Variants in FNIP2 observed in about 807,000 individuals in gnomAD.
FNIP2 encodes folliculin-interacting protein 2.
Under a neutral mutation model 108.7 loss-of-function variants are expected in FNIP2, and 32 were observed. The ratio of observed to expected loss-of-function variants is 0.29; its 90% confidence interval spans 0.22 to 0.40. The LOEUF (loss-of-function observed/expected upper bound fraction) is 0.40, where lower values mean the gene tolerates loss of function less well. FNIP2 is among the 10% of genes least tolerant of loss of function. FNIP2 has a pLI of 1.00. For synonymous variants in FNIP2, 480 were observed against 496.7 expected, an observed-to-expected ratio of 0.97 and a Z score of 0.45; for missense variants, 1,202 against 1,381.6, an observed-to-expected ratio of 0.87 and a Z score of 2.06.
intron 1 of FNIP2, among the ~76,000 whole-genome samples, chr4:158,773,054 G>T (rs1050622394): frequency 6.6e-6 from 1 of 152,104 alleles, no homozygotes; most frequent in Admixed American, 6.5e-5. Context: ...GTCTCCAGAT[G>T]CAAGTATTTC....
At chr4:158,802,713 G>T (rs1776802639) in intron 1 of FNIP2, among the ~76,000 whole-genome samples, 1 of 152,206 alleles carries the variant, frequency 6.6e-6, no homozygotes, top group Non-Finnish European at 1.5e-5. Flanking sequence ...TTGGATTGGA[G>T]GTGGGTCCTG....
intron 1 of FNIP2, chr4:158,808,858 A>C (rs4482713): frequency 0.29 from 44,225 of 152,110 alleles, 7,164 homozygotes; most frequent in Non-Finnish European, 0.38. Context: ...ATGAAGAGAA[A>C]GATTCCACAA....
chr4:158,885,252 C>A (rs534766104), intron 14 of FNIP2, among the ~76,000 whole-genome samples: 1 of 152,292 alleles, frequency 6.6e-6, no homozygotes, highest in East Asian at 1.9e-4. Flanking sequence ...TACCTGTCCC[C>A]TTCCTCGACA....
chr4:158,898,362 C>G (rs1782883418), intron 16 of FNIP2, among the ~76,000 whole-genome samples: 1 of 152,006 alleles, frequency 6.6e-6, no homozygotes, highest in Admixed American at 6.6e-5. Flanking sequence ...TAGTTTTTTC[C>G]AGTTCTGTGA....
intron 14 of FNIP2, 45 bp downstream of exon 14, chr4:158,870,514 A>G (rs1780882280): frequency 6.4e-7 from 1 of 1,565,106 alleles, no homozygotes; most frequent in East Asian, 2.4e-5. Context: ...ACAGTGTGTC[A>G]GTCAAGGTCT....
chr4:158,870,217 T>C, intron 13 of FNIP2, 96 bp from the exon 14 acceptor site: 1 of 1,339,586 alleles, frequency 7.5e-7, no homozygotes, highest in Non-Finnish European at 1.0e-6. Context: ...GAATCTATTT[T>C]ATTTACCTGT....
chr4:158,781,520 T>C (rs1251300119), intron 1 of FNIP2, among the ~76,000 whole-genome samples: 1 of 152,108 alleles, frequency 6.6e-6, no homozygotes, highest in Non-Finnish European at 1.5e-5. Context: ...CATTTTTTGT[T>C]TGTTTTTGTT....
intron 1 of FNIP2, among the ~76,000 whole-genome samples, chr4:158,814,513 C>A (rs968743870): frequency 6.6e-6 from 1 of 152,190 alleles, no homozygotes; most frequent in Non-Finnish European, 1.5e-5. Context: ...AACACCAGAC[C>A]TTCTGGAATT....
At chr4:158,790,758 GTAAAA>G (rs1185488284) in intron 1 of FNIP2, among the ~76,000 whole-genome samples, 3 of 151,916 alleles carry the variant, frequency 2.0e-5, no homozygotes, top group Non-Finnish European at 4.4e-5. Context: ...AAAATAAAAT[GTAAAA>G]TAAAATAAAA....
rs915650659 is a variant in FNIP2, at chr4:158,833,512, C to A, written c.555-16C>A. 6.6e-7 allele frequency: 1 copy of A among 1,525,896 alleles called. No homozygotes were observed. The highest frequency in any genetic ancestry group is 8.9e-7 in the Non-Finnish European group (1 of 1,126,502). The allele number at this position is 1,525,896 out of a possible 1,614,324, so 94.5% of individuals were successfully genotyped here. A position where few individuals can be genotyped will look rare whatever the true frequency, so the allele number is the denominator to read the frequency against. ...TTTGTCCTCTTTCTCCTTTTCCCCC[C>A]CATCTCCGGATATAGCTTGCAAGAC... On this transcript the variant is annotated splice_polypyrimidine_tract_variant and intron_variant, in intron 5 of 16. Coordinates refer to ENST00000264433, the MANE Select transcript of FNIP2 (RefSeq NM_020840.3).
chr4:158,893,101 C>A (rs1221548991), intron 15 of FNIP2: 1 of 152,312 alleles, frequency 6.6e-6, no homozygotes, highest in African/African-American at 2.4e-5. Context: ...AATGGACAAT[C>A]CCGAGTCTCT....
chr4:158,831,673 A>T (rs1414131211), intron 3 of FNIP2, among the ~76,000 whole-genome samples, 188 bp from the exon 4 acceptor site: 1 of 152,230 alleles, frequency 6.6e-6, no homozygotes, highest in Non-Finnish European at 1.5e-5. Flanking sequence ...AATCACAAAC[A>T]TTAGTAATAC....
At chr4:158,887,502 C>G (rs1237178135) in intron 14 of FNIP2, among the ~76,000 whole-genome samples, 2 of 151,908 alleles carry the variant, frequency 1.3e-5, no homozygotes, top group Non-Finnish European at 2.9e-5. Flanking sequence ...TTTGGGAGGC[C>G]GAGGTGGGTG....
At chr4:158,827,683 C>T (rs1435137099) in intron 2 of FNIP2, among the ~76,000 whole-genome samples, 1 of 152,184 alleles carries the variant, frequency 6.6e-6, no homozygotes, top group Non-Finnish European at 1.5e-5. Flanking sequence ...GATTGAGTAA[C>T]AGCTTTATCT....
At chr4:158,796,277 A>G (rs1164447933) in intron 1 of FNIP2, among the ~76,000 whole-genome samples, 1 of 152,196 alleles carries the variant, frequency 6.6e-6, no homozygotes, top group Non-Finnish European at 1.5e-5. Context: ...GGGGAAATTG[A>G]TGTGACTGAG....
chr4:158,866,877 G>A (rs74289870), intron 12 of FNIP2, among the ~76,000 whole-genome samples: 3,636 of 152,294 alleles, frequency 0.024, 135 homozygotes, highest in African/African-American at 0.078. Flanking sequence ...GCACCCAGCT[G>A]AGATACATCT....
At chr4:158,823,106 A>C (rs1263071777) in intron 1 of FNIP2, among the ~76,000 whole-genome samples, 3 of 152,224 alleles carry the variant, frequency 2.0e-5, no homozygotes, top group Non-Finnish European at 4.4e-5. Context: ...TTGGTTATAA[A>C]TTATAATGCT....
chr4:158,877,429 T>A (rs1475880460), intron 14 of FNIP2, among the ~76,000 whole-genome samples: 1 of 152,244 alleles, frequency 6.6e-6, no homozygotes, highest in Non-Finnish European at 1.5e-5. Context: ...TGATTAATTT[T>A]CCTCTTCCTC....
chr4:158,883,531 G>A (rs766410012), intron 14 of FNIP2, among the ~76,000 whole-genome samples: 12 of 152,154 alleles, frequency 7.9e-5, no homozygotes, highest in Non-Finnish European at 1.8e-4. Flanking sequence ...GTGAGCCATC[G>A]CGCCCAGCCT....
Sources: gnomAD v4.1 joint callset for allele counts (sites outside exome capture counted in the v4.1 genomes callset) on GRCh38, gnomAD v4.1.1 for gene constraint, MANE v1.5 for transcripts, NCBI Gene and HGNC (gene_info 2026-07-23, HGNC 2026-07-21) for gene names.